Variants in PDZD2 observed in about 807,000 individuals in gnomAD.
The protein encoded by PDZD2 is PDZ domain containing 2, also known as PDZ domain-containing protein 2.
A neutral mutation model predicts 220.7 loss-of-function variants in PDZD2; 90 were observed. The observed-to-expected ratio is 0.41, with a 90% CI of 0.34 to 0.49. The LOEUF is 0.49. PDZD2 is among the 20% of genes least tolerant of loss of function. PDZD2 has a pLI of 0.28. For synonymous variants in PDZD2, 1,375 were observed against 1,450.5 expected (o/e 0.95, Z 1.18); for missense variants, 3,174 against 3,608.5 (o/e 0.88, Z 3.08).
chr5:31,837,665 A>G (rs1757027964), intron 2 of PDZD2, among the ~76,000 whole-genome samples: 1 of 152,140 alleles, frequency 6.6e-6, no homozygotes, highest in Admixed American at 6.6e-5. Context: ...CAGAGGTTGC[A>G]GTGAGCCGAG....
intron 2 of PDZD2, among the ~76,000 whole-genome samples, chr5:31,801,400 G>A (rs938425433): frequency 6.6e-6 from 1 of 152,206 alleles, no homozygotes; most frequent in African/African-American, 2.4e-5. Context: ...AGATGCTGCA[G>A]GGAGCTGAAA....
intron 3 of PDZD2, among the ~76,000 whole-genome samples, chr5:31,991,011 G>C (rs1353472119): frequency 1.3e-5 from 2 of 152,202 alleles, no homozygotes; most frequent in African/African-American, 4.8e-5. Context: ...AACCAGCAAA[G>C]CATCTGCCCT....
intron 2 of PDZD2, among the ~76,000 whole-genome samples, chr5:31,978,392 A>C (rs761484707): frequency 6.6e-6 from 1 of 152,154 alleles, no homozygotes; most frequent in Non-Finnish European, 1.5e-5. Context: ...ATGGATGGAG[A>C]ATGCGGAGGC....
chr5:32,056,001 A>C (rs2112321303), intron 10 of PDZD2, among the ~76,000 whole-genome samples: 1 of 152,354 alleles, frequency 6.6e-6, no homozygotes, highest in East Asian at 1.9e-4. Flanking sequence ...ATTCTCCTAA[A>C]TAGCGTTTTT....
In PDZD2 at chr5:31,935,526, C is replaced by T. The variant is rs73066473; in HGVS notation, c.477-47629C>T. On this transcript the variant is annotated intron_variant, in intron 2 of 24. Coordinates refer to ENST00000438447, the MANE Select transcript of PDZD2 (RefSeq NM_178140.4). ...CTACAATGGAAGTTGGAAGCTTAGT[C>T]GGAGTAGAAAAGTTGTAAATTTGGT... 8.9e-3 allele frequency among the ~76,000 whole-genome samples: 1,353 copies of T among 152,154 alleles called. 24 individuals are homozygous for T. The highest frequency in any genetic ancestry group is 0.031 in the African/African-American group (1,302 of 41,502).
At chr5:31,884,833 G>T (rs1273308381) in intron 2 of PDZD2, among the ~76,000 whole-genome samples, 1 of 152,014 alleles carries the variant, frequency 6.6e-6, no homozygotes, top group East Asian at 1.9e-4. Context: ...AGTAGAGATA[G>T]AGTTTTGCCA....
At position 31,748,964 on chromosome 5, in the gene PDZD2, G is replaced by C. The variant is rs1352668686; in HGVS notation, c.-360-49925G>C. Reference sequence around the variant, plus strand: ...GGTCCTCCAGAGCACTGGTTCTCAGGCCTGGAGTAGCACTGGAATAACCCT... The same window carrying C: ...GGTCCTCCAGAGCACTGGTTCTCAGCCCTGGAGTAGCACTGGAATAACCCT... On this transcript the variant is annotated intron_variant, in intron 1 of 24. Transcript: ENST00000438447. Among the ~76,000 whole-genome samples the C allele has an allele frequency of 3.3e-5, 5 of 152,144 alleles. No homozygotes were observed. The South Asian group carries it at 8.3e-4, about 25-fold the overall frequency.
chr5:32,049,997 G>A (rs529262520), intron 8 of PDZD2, among the ~76,000 whole-genome samples: 99 of 152,224 alleles, frequency 6.5e-4, no homozygotes, highest in African/African-American at 2.3e-3. Flanking sequence ...TCAGTGGTGC[G>A]ACCTTGGCTC....
intron 2 of PDZD2, among the ~76,000 whole-genome samples, chr5:31,811,980 ACT>A (rs1755139713): frequency 6.7e-6 from 1 of 148,228 alleles, no homozygotes; most frequent in South Asian, 2.2e-4. Flanking sequence ...AGAGAGTGAG[ACT>A]CTGTCTCAAA....
At chr5:31,798,738 C>T (rs992799033) in intron 1 of PDZD2, among the ~76,000 whole-genome samples, 151 bp from the exon 2 acceptor site, 3 of 152,102 alleles carry the variant, frequency 2.0e-5, no homozygotes, top group East Asian at 1.9e-4. Flanking sequence ...GGTAGCCACA[C>T]GGGGGAATGG....
intron 2 of PDZD2, among the ~76,000 whole-genome samples, chr5:31,808,887 G>A (rs1754904165): frequency 6.6e-6 from 1 of 152,014 alleles, no homozygotes; most frequent in Admixed American, 6.5e-5. Context: ...GGCTGAGGCA[G>A]GAGAATCGCT....
chr5:32,062,663 G>A (rs1739802919), intron 14 of PDZD2, among the ~76,000 whole-genome samples: 1 of 152,104 alleles, frequency 6.6e-6, no homozygotes, highest in Non-Finnish European at 1.5e-5. Flanking sequence ...CAAAGTGCTG[G>A]AATTATAGGC....
At chr5:31,917,991 G>A (rs1390219146) in intron 2 of PDZD2, among the ~76,000 whole-genome samples, 3 of 152,246 alleles carry the variant, frequency 2.0e-5, no homozygotes, top group South Asian at 2.1e-4. Flanking sequence ...CACCGTGCCC[G>A]GCCAGGCTTC....
At chr5:32,027,206 CCT>C (rs1264021765) in intron 6 of PDZD2, among the ~76,000 whole-genome samples, 1 of 152,066 alleles carries the variant, frequency 6.6e-6, no homozygotes, top group Non-Finnish European at 1.5e-5. Flanking sequence ...GCCTGGCCCC[CCT>C]GTTATTTTCA....
intron 1 of PDZD2, among the ~76,000 whole-genome samples, chr5:31,728,536 T>A (rs759865671): frequency 2.0e-5 from 3 of 152,190 alleles, no homozygotes; most frequent in Non-Finnish European, 2.9e-5. Flanking sequence ...CGAGTGCTAA[T>A]GGTGGTGGGG....
At chr5:32,102,724 G>A (rs760129908) in intron 24 of PDZD2, among the ~76,000 whole-genome samples, 1 of 152,050 alleles carries the variant, frequency 6.6e-6, no homozygotes, top group Non-Finnish European at 1.5e-5. Flanking sequence ...CATGACAGAG[G>A]CAGGAATGTT....
intron 2 of PDZD2, among the ~76,000 whole-genome samples, chr5:31,886,588 C>T (rs1050291545): frequency 1.3e-5 from 2 of 149,398 alleles, no homozygotes; most frequent in African/African-American, 5.0e-5. Context: ...GATGTGTGGG[C>T]CCTCAGCCAC....
At chr5:31,860,331 C>T (rs115463254) in intron 2 of PDZD2, among the ~76,000 whole-genome samples, 9 of 152,116 alleles carry the variant, frequency 5.9e-5, no homozygotes, top group Non-Finnish European at 1.3e-4. Context: ...ATTCCAGAGG[C>T]GCTCTAGGGC....
intron 1 of PDZD2, among the ~76,000 whole-genome samples, chr5:31,662,326 A>G (rs571392758): frequency 1.3e-5 from 2 of 152,194 alleles, no homozygotes; most frequent in East Asian, 1.9e-4. Context: ...AAATAAATAA[A>G]TAAATAATTC....
Sources: gnomAD v4.1 joint callset for allele counts (sites outside exome capture counted in the v4.1 genomes callset) on GRCh38, gnomAD v4.1.1 for gene constraint, MANE v1.5 for transcripts, NCBI Gene and HGNC (gene_info 2026-07-23, HGNC 2026-07-21) for gene names.